Variants in TBC1D32 observed in about 807,000 individuals in gnomAD.
TBC1D32 encodes TBC1 domain family member 32.
TBC1D32 carries 151 observed loss-of-function variants against 170.3 expected under a neutral mutation model. The observed-to-expected ratio is 0.89, with a 90% CI of 0.78 to 1.01. TBC1D32 has a LOEUF of 1.01. Among genes scored for constraint, TBC1D32 ranks in the 50% least tolerant of loss-of-function variants. TBC1D32 has a pLI of 0.00. For synonymous variants in TBC1D32, 498 were observed against 488.0 expected, an observed-to-expected ratio of 1.02 and a Z score of -0.27; for missense variants, 1,464 against 1,457.1, an observed-to-expected ratio of 1.00 and a Z score of -0.08.
intron 13 of TBC1D32, 98 bp downstream of exon 13, chr6:121,283,720 A>AC: frequency 1.2e-6 from 1 of 827,832 alleles, no homozygotes. Flanking sequence ...AAACCTACTT[A>AC]CCAAAGTAGG....
intron 12 of TBC1D32, among the ~76,000 whole-genome samples, chr6:121,285,295 G>A (rs1803627163): frequency 6.6e-6 from 1 of 152,154 alleles, no homozygotes; most frequent in African/African-American, 2.4e-5. Flanking sequence ...AAGTGCATGG[G>A]TTGAAGTCCA....
At chr6:121,149,455 C>T (rs1783919903) in intron 24 of TBC1D32, among the ~76,000 whole-genome samples, 3 of 152,058 alleles carry the variant, frequency 2.0e-5, no homozygotes, top group Admixed American at 2.0e-4. Flanking sequence ...CAAAGGGGTC[C>T]AGTTTCATTT....
chr6:121,294,702 C>T (rs774247932), intron 10 of TBC1D32, 42 bp from the exon 11 acceptor site: 1 of 1,440,298 alleles, frequency 6.9e-7, no homozygotes, highest in South Asian at 1.2e-5. Flanking sequence ...CTTTGCAGCC[C>T]TCAAGTCCAA....
Position 121,281,685 on chromosome 6 carries a change from C to A in TBC1D32, c.1467G>T (p.Glu489Asp), listed in dbSNP as rs1803003957. The A allele has an allele frequency of 8.3e-6, 13 of 1,571,654 alleles. No individual in the cohort carries two copies. Among genetic ancestry groups the A allele is most frequent in the Non-Finnish European group, 1.1e-5 (13 of 1,160,118 alleles). ...CPKMTSAAHS[E>D]NYSPASMVTE... ...TCACCATACTTGCAGGAGAGTAATT[C>A]TCTAATAAACAATAAATATTTTTTA... is the stretch of plus-strand genomic sequence containing the variant. The change falls in exon 14 of 32, where the codon GAG (glutamate) becomes GAT (aspartate). Residue 489 changes from glutamate (E) to aspartate (D), a missense_variant and splice_region_variant. Physicochemically the swap from Glu to Asp is conservative, Grantham distance 45 (BLOSUM62 2). Coordinates refer to ENST00000398212, the MANE Select transcript of TBC1D32 (RefSeq NM_152730.6).
chr6:121,286,578 A>G (rs377479183), intron 12 of TBC1D32, among the ~76,000 whole-genome samples: 14 of 152,124 alleles, frequency 9.2e-5, no homozygotes, highest in Non-Finnish European at 1.3e-4. Flanking sequence ...AAAACACTCT[A>G]CAGGATATTA....
At chr6:121,108,846 T>A (rs1778946143) in intron 29 of TBC1D32, among the ~76,000 whole-genome samples, 1 of 152,128 alleles carries the variant, frequency 6.6e-6, no homozygotes, top group African/African-American at 2.4e-5. Context: ...TCCAGTCTAG[T>A]CCTCCATCTT....
At chr6:121,272,802 A>G (rs898099390) in intron 15 of TBC1D32, among the ~76,000 whole-genome samples, 2 of 152,356 alleles carry the variant, frequency 1.3e-5, no homozygotes, top group South Asian at 2.1e-4. Context: ...GTAAAGACAC[A>G]TGCACACGTA....
intron 21 of TBC1D32, among the ~76,000 whole-genome samples, chr6:121,211,711 G>T (rs780205705): frequency 3.3e-5 from 5 of 151,952 alleles, no homozygotes; most frequent in Non-Finnish European, 5.9e-5. Flanking sequence ...TTATCCACTC[G>T]GTGATTACCC....
In TBC1D32 at chr6:121,249,741, C is replaced by A. The variant is rs374580721; in HGVS notation, c.2018+5587G>T. Among the ~76,000 whole-genome samples the A allele has an allele frequency of 2.4e-4, 36 of 151,104 alleles. No individual in the cohort carries two copies. In the East Asian group the frequency reaches 2.7e-3, roughly 11 times the overall value. ...ACAGCTAAAAAACAAAAACAAAAAC[C>A]AAAACAAAACAAACTTTAGGAATAT... On this transcript the variant is annotated intron_variant, in intron 17 of 31. Transcript: ENST00000398212.
intron 22 of TBC1D32, among the ~76,000 whole-genome samples, chr6:121,162,740 C>A (rs1785900423): frequency 6.6e-6 from 1 of 151,356 alleles, no homozygotes; most frequent in South Asian, 2.1e-4. Context: ...CGAATAGGAA[C>A]AGCTCCAGTC....
chr6:121,106,009 C>A lies in TBC1D32; in HGVS notation c.3465+14G>T. On this transcript the variant is annotated intron_variant, in intron 30 of 31. Transcript: ENST00000398212. The stretch of plus-strand genomic sequence containing the variant: ...ATAAAGGAGTTGGAGAAATGCTACT[C>A]CCTTATGGATTACCTGTGATGGTGC... The A allele has an allele frequency of 1.3e-6, 2 of 1,589,600 alleles. No homozygotes were observed. The highest frequency in any genetic ancestry group is 1.1e-5 in the South Asian group (1 of 87,066).
At chr6:121,294,866 T>C (rs917349826) in intron 10 of TBC1D32, among the ~76,000 whole-genome samples, 39 of 152,198 alleles carry the variant, frequency 2.6e-4, no homozygotes, top group African/African-American at 9.2e-4. Context: ...AAAATATTTG[T>C]GGACCAACAA....
intron 24 of TBC1D32, among the ~76,000 whole-genome samples, chr6:121,137,981 T>C (rs114144540): frequency 0.012 from 1,890 of 152,182 alleles, 38 homozygotes; most frequent in African/African-American, 0.043. Context: ...TTAATTTAGA[T>C]AGCCAACATT....
At chr6:121,280,553 G>A (rs1430257345) in intron 14 of TBC1D32, among the ~76,000 whole-genome samples, 1 of 151,728 alleles carries the variant, frequency 6.6e-6, no homozygotes, top group East Asian at 1.9e-4. Context: ...ACTTTGCAAA[G>A]GAGAACTGGG....
At chr6:121,240,684 T>C (rs1583351673) in intron 19 of TBC1D32, among the ~76,000 whole-genome samples, 1 of 151,670 alleles carries the variant, frequency 6.6e-6, no homozygotes, top group Non-Finnish European at 1.5e-5. Flanking sequence ...AGGTCAGAGT[T>C]CAAGACCAGC....
At chr6:121,220,701 C>G (rs2128325532) in intron 21 of TBC1D32, among the ~76,000 whole-genome samples, 1 of 141,930 alleles carries the variant, frequency 7.0e-6, no homozygotes, top group East Asian at 2.1e-4. Context: ...AGTGTAGTGG[C>G]ATGATCCTGG....
intron 26 of TBC1D32, among the ~76,000 whole-genome samples, chr6:121,122,294 TTTCTC>T (rs1390341750): frequency 6.6e-5 from 10 of 152,058 alleles, no homozygotes; most frequent in Non-Finnish European, 1.0e-4. Flanking sequence ...GCTTCAGTCG[TTTCTC>T]TTCCTTCAGT....
chr6:121,290,407 C>T (rs975492351), intron 12 of TBC1D32, among the ~76,000 whole-genome samples: 2 of 152,096 alleles, frequency 1.3e-5, no homozygotes, highest in Non-Finnish European at 2.9e-5. Flanking sequence ...AAATGCTCAT[C>T]ATCACTGGCC....
chr6:121,307,579 G>T (rs1373197902), intron 5 of TBC1D32, among the ~76,000 whole-genome samples: 3 of 152,046 alleles, frequency 2.0e-5, no homozygotes, highest in Admixed American at 6.6e-5. Flanking sequence ...AAAACTATCG[G>T]CCAGACACCG....
Sources: allele counts gnomAD v4.1 joint callset (sites outside exome capture counted in the v4.1 genomes callset), GRCh38; gene constraint gnomAD v4.1.1; transcripts MANE v1.5; gene names NCBI Gene and HGNC (gene_info 2026-07-23, HGNC 2026-07-21).